MYLK3: variants seen among roughly 807,000 people sequenced by gnomAD.
MYLK3 encodes the protein myosin light chain kinase 3, also known as MLC kinase.
MYLK3 carries 55 observed loss-of-function variants against 76.3 expected under a neutral mutation model. The ratio of observed to expected loss-of-function variants is 0.72; its 90% confidence interval spans 0.58 to 0.90. MYLK3 has a LOEUF of 0.90. Among genes scored for constraint, MYLK3 ranks in the 40% least tolerant of loss-of-function variants. The pLI, the probability that MYLK3 is intolerant of heterozygous loss-of-function variation, is 0.00. For missense variants in MYLK3, 973 were observed against 1,053.6 expected, an observed-to-expected ratio of 0.92 and a Z score of 1.06; for synonymous variants, 416 against 425.4, an observed-to-expected ratio of 0.98 and a Z score of 0.27.
At chr16:46,711,812 A>G in intron 10 of MYLK3, 1 of 252,772 alleles carries the variant, frequency 4.0e-6, no homozygotes, top group Non-Finnish European at 8.1e-6. Flanking sequence ...ATTAGTGTAT[A>G]AATACCCCCT....
chr16:46,754,535 C>T (rs36476), intron 1 of MYLK3, among the ~76,000 whole-genome samples: 120,192 of 152,108 alleles, frequency 0.79, 48,456 homozygotes, highest in East Asian at 1. Flanking sequence ...TCAGCCCCTT[C>T]GCCATGGGAT....
At chr16:46,708,038 C>T (rs1425876392) in intron 12 of MYLK3, among the ~76,000 whole-genome samples, 1 of 151,818 alleles carries the variant, frequency 6.6e-6, no homozygotes, top group Admixed American at 6.6e-5. Flanking sequence ...TGGGGTCTGG[C>T]TCTGTTGTCC....
chr16:46,732,912 C>G (rs921866261), intron 3 of MYLK3, among the ~76,000 whole-genome samples: 2 of 152,240 alleles, frequency 1.3e-5, no homozygotes, highest in Admixed American at 1.3e-4. Flanking sequence ...CCCTGAGAAC[C>G]TGCTTCTGTC....
In MYLK3 at chr16:46,756,322, G is replaced by A. The variant is rs117002226; in HGVS notation, c.-114+6718C>T. Among the ~76,000 whole-genome samples, 670 of 152,336 alleles carry A rather than the reference G, an allele frequency of 4.4e-3. 2 individuals are homozygous for A. The highest frequency in any genetic ancestry group is 0.01 in the Middle Eastern group (3 of 294). On this transcript the variant is annotated intron_variant, in intron 1 of 11. Transcript: ENST00000536476. ...TTATTAAGTAAAAGCAGTGACATCTGTCTTGTGAGGGTGAGGGAGGGAAAG... is the reference window on the plus strand; with the variant it reads ...TTATTAAGTAAAAGCAGTGACATCTATCTTGTGAGGGTGAGGGAGGGAAAG...
At chr16:46,729,272 CCCAAA>C (rs1342544296) in intron 6 of MYLK3, 139 bp from the exon 7 acceptor site, 1 of 692,680 alleles carries the variant, frequency 1.4e-6, no homozygotes, top group African/African-American at 1.8e-5. Flanking sequence ...TGACTCAACA[CCCAAA>C]CCAGATTCTA....
chr16:46,712,576 G>C, intron 10 of MYLK3, 72 bp downstream of exon 10: 1 of 1,344,414 alleles, frequency 7.4e-7, no homozygotes, highest in South Asian at 2.1e-5. Flanking sequence ...TCAAAATTTT[G>C]CTTCTAAGAT....
At chr16:46,725,147 G>C (rs1966836398) in intron 8 of MYLK3, among the ~76,000 whole-genome samples, 1 of 152,020 alleles carries the variant, frequency 6.6e-6, no homozygotes, top group Non-Finnish European at 1.5e-5. Context: ...TATTTGTCTT[G>C]TATACTGCAA....
rs141602742 is a variant in MYLK3, at chr16:46,732,502, C to T, written c.1168G>A (p.Gly390Arg). Residue 390 changes from glycine (G) to arginine (R), a missense_variant, in exon 4 of 13, where the codon GGA (glycine) becomes AGA (arginine). Physicochemically the swap from Gly to Arg is moderately radical, Grantham distance 125. Transcript: ENST00000394809. ...CTGGCTCCTTCAGGGGTCTGTTCTC[C>T]GGGCTCAGTCCCAGGGGCTTGGAGG... The part of the protein sequence containing the change: ...RCLQAPGTEP[G>R]EQTPEGAREL... The T allele has an allele frequency of 1.4e-4, 227 of 1,607,198 alleles. No homozygotes were observed. Among genetic ancestry groups the T allele is most frequent in the African/African-American group, 8.7e-4 (65 of 75,054 alleles).
intron 3 of MYLK3, among the ~76,000 whole-genome samples, chr16:46,733,740 G>A (rs916650461): frequency 1.3e-4 from 20 of 152,232 alleles, no homozygotes; most frequent in African/African-American, 4.6e-4. Context: ...CCCACAGCAC[G>A]GGGTCTATGT....
upstream of MYLK3, among the ~76,000 whole-genome samples, chr16:46,753,035 G>C (rs926262198): frequency 2.6e-5 from 4 of 152,206 alleles, no homozygotes; most frequent in African/African-American, 9.6e-5. Context: ...GGCCATTGGT[G>C]AATGAGTGTT....
At chr16:46,733,568 G>T (rs979920159) in intron 3 of MYLK3, among the ~76,000 whole-genome samples, 1 of 152,144 alleles carries the variant, frequency 6.6e-6, no homozygotes, top group African/African-American at 2.4e-5. Flanking sequence ...ACTAGGGTTT[G>T]TGAGCCCAGA....
chr16:46,748,212 A>T lies in MYLK3; in HGVS notation c.-19T>A. On this transcript the variant is annotated 5_prime_UTR_variant, in exon 1 of 13. The change creates a new upstream start codon in the 5' untranslated region. Transcript: ENST00000394809. This position sits in a 1 kb window ranked among gnomAD's most constrained non-coding sequence, Gnocchi z 4.3. ...CTGACATGCTGGTGCAGGCTTGACAAGGGCAAGAGCGGGGAATGAGGAGAG... is the reference window on the plus strand; with the variant it reads ...CTGACATGCTGGTGCAGGCTTGACATGGGCAAGAGCGGGGAATGAGGAGAG... The T allele has an allele frequency of 6.2e-7, 1 of 1,602,570 alleles. No individual in the cohort carries two copies. Among genetic ancestry groups the T allele is most frequent in the Non-Finnish European group, 8.5e-7 (1 of 1,173,462 alleles).
rs934725984 is a variant in MYLK3, at chr16:46,722,415, C to T, written c.1915-1222G>A. 7.2e-5 allele frequency among the ~76,000 whole-genome samples: 11 copies of T among 152,236 alleles called. No individual in the cohort carries two copies. The East Asian group carries it at 2.1e-3, about 29-fold the overall frequency. ...CATGCATGAAACACTTTACAGCTTC[C>T]AAAGCAAATGTCAGCTACTGTTTCT... is the stretch of plus-strand genomic sequence containing the variant. On this transcript the variant is annotated intron_variant, in intron 8 of 12. Transcript: ENST00000394809.
chr16:46,755,910 T>C (rs1300577297), intron 1 of MYLK3, among the ~76,000 whole-genome samples: 5 of 93,694 alleles, frequency 5.3e-5, no homozygotes, highest in African/African-American at 2.0e-4. Flanking sequence ...TTCTTTCTTT[T>C]TTTTTTTTTT....
intron 9 of MYLK3, among the ~76,000 whole-genome samples, chr16:46,720,491 G>A (rs1287921844): frequency 6.6e-6 from 1 of 152,138 alleles, no homozygotes; most frequent in East Asian, 1.9e-4. Flanking sequence ...ATTAGCCACT[G>A]TGCTGGGCCT....
Position 46,729,110 on chromosome 16 carries a change from G to A in MYLK3, c.1686C>T (p.Asn562=), listed in dbSNP as rs1966847597. The A allele has an allele frequency of 1.9e-6, 3 of 1,613,994 alleles. No homozygotes were observed. The highest frequency in any genetic ancestry group is 2.7e-5 in the African/African-American group (2 of 74,932). Residue 562 remains asparagine, a synonymous_variant, in exon 7 of 13, where the codon AAC becomes AAT. Transcript: ENST00000394809. The part of the protein sequence containing the change: ...KDREDVKNEI[N]IMNQLSHVNL... ...TCACGTGGCTGAGCTGGTTCATGAT[G>A]TTGATCTCGTTCTTCACGTCCTCCT...
chr16:46,754,945 G>A (rs1178569880), intron 1 of MYLK3, among the ~76,000 whole-genome samples: 1 of 151,578 alleles, frequency 6.6e-6, no homozygotes, highest in Non-Finnish European at 1.5e-5. Flanking sequence ...CACCCAGGCT[G>A]GAGTGCTGTG....
intron 1 of MYLK3, among the ~76,000 whole-genome samples, chr16:46,758,302 A>T (rs201518749): frequency 1.5e-4 from 8 of 53,920 alleles, no homozygotes; most frequent in African/African-American, 7.3e-4. Context: ...ACACACACAC[A>T]CACTCTCTCT....
chr16:46,730,586 C>T lies in MYLK3; in HGVS notation c.1568+7G>A. 3 of 1,613,140 alleles carry T rather than the reference C, an allele frequency of 1.9e-6. No individual in the cohort carries two copies. The highest frequency in any genetic ancestry group is 1.1e-5 in the South Asian group (1 of 91,062). ...AAGCCCCCCAACCAAGGCAGATGCC[C>T]ACCTACCCTCCCAAGACTTCGTGCT... On this transcript the variant is annotated splice_region_variant and intron_variant, in intron 5 of 12. Coordinates refer to ENST00000394809, the MANE Select transcript of MYLK3 (RefSeq NM_182493.3).
Sources: gnomAD v4.1 joint callset for allele counts (sites outside exome capture counted in the v4.1 genomes callset) on GRCh38, gnomAD v4.1.1 for gene constraint, Gnocchi (gnomAD v3.1) non-coding constraint, MANE v1.5 for transcripts, NCBI Gene and HGNC (gene_info 2026-07-23, HGNC 2026-07-21) for gene names.